The following KANSL1 variants were observed in gnomAD, a reference collection of about 807,000 sequenced individuals.
The protein encoded by KANSL1 is MLL1/MLL complex subunit KANSL1.
KANSL1 carries 22 observed loss-of-function variants against 103.6 expected under a neutral mutation model. The observed-to-expected ratio is 0.21, with a 90% CI of 0.15 to 0.30. KANSL1 has a LOEUF of 0.30. Among genes scored for constraint, KANSL1 ranks in the 10% least tolerant of loss-of-function variants. KANSL1 has a pLI of 1.00. For synonymous variants in KANSL1, 600 were observed against 527.6 expected (o/e 1.14, Z -1.88); for missense variants, 1,337 against 1,399.8 (o/e 0.96, Z 0.72).
chr17:46,052,434 G>A (rs62063676), intron 6 of KANSL1, among the ~76,000 whole-genome samples: 21,732 of 151,284 alleles, frequency 0.14, 2,118 homozygotes, highest in Middle Eastern at 0.22. Flanking sequence ...GTGAAACCCC[G>A]ACTCTACTGA....
chr17:46,172,051 AG>A lies in KANSL1; in HGVS notation c.92del (p.Pro31LeufsTer31). ...KLAPPSSTLSPGSAENNGNAN... is the reference protein window; with the variant it reads ...KLAPPSSTLSXGSAENNGNAN... Reference sequence around the variant, plus strand: ...CGTTGCCGTTATTTTCGGCACTGCCAGGGGACAAGGTAGAGGATGGGGGAGC... The same window carrying A: ...CGTTGCCGTTATTTTCGGCACTGCCAGGGACAAGGTAGAGGATGGGGGAGC... On this transcript the variant is annotated frameshift_variant, in exon 2 of 15. Transcript: ENST00000432791. LOFTEE classifies it high-confidence loss of function. 1 of 1,614,204 alleles carries A rather than the reference AG, an allele frequency of 6.2e-7. No individual in the cohort carries two copies. The highest frequency in any genetic ancestry group is 2.2e-5 in the East Asian group (1 of 44,880).
chr17:46,206,206 C>T (rs2047965366), intron 1 of KANSL1, among the ~76,000 whole-genome samples: 1 of 151,998 alleles, frequency 6.6e-6, no homozygotes, highest in Admixed American at 6.6e-5. Context: ...AATGTGATCC[C>T]AGCATACCCA....
chr17:46,056,263 T>C (rs2077926208), intron 6 of KANSL1, among the ~76,000 whole-genome samples: 1 of 152,048 alleles, frequency 6.6e-6, no homozygotes, highest in African/African-American at 2.4e-5. Context: ...CCTCCCAAAG[T>C]GCTAGAATAA....
chr17:46,071,749 C>A (rs910687339), intron 4 of KANSL1, among the ~76,000 whole-genome samples: 1 of 152,182 alleles, frequency 6.6e-6, no homozygotes, highest in Non-Finnish European at 1.5e-5. Context: ...TTAAGACTCT[C>A]CTACCTAGAA....
intron 2 of KANSL1, among the ~76,000 whole-genome samples, chr17:46,149,004 CTTTTTT>C (rs77731269): frequency 1.6e-5 from 2 of 121,290 alleles, no homozygotes; most frequent in Admixed American, 8.4e-5. Context: ...CTCTTTTTTT[CTTTTTT>C]TTTTTTTTTT....
intron 3 of KANSL1, among the ~76,000 whole-genome samples, chr17:46,087,430 C>T (rs1301146409): frequency 4.6e-5 from 7 of 152,100 alleles, no homozygotes; most frequent in Non-Finnish European, 1.0e-4. Flanking sequence ...TAAAAAGCAT[C>T]CAAGTAGGTA....
chr17:46,083,396 T>G (rs1024851542), intron 3 of KANSL1, among the ~76,000 whole-genome samples: 4 of 152,144 alleles, frequency 2.6e-5, no homozygotes, highest in Non-Finnish European at 5.9e-5. Flanking sequence ...GAGATCTAAC[T>G]AGATTAAGAA....
rs71138525 is a variant in KANSL1 at position 46,096,311 on chromosome 17, C to CTTTTTTTTTTT, written c.1290-1621_1290-1611dup. The stretch of plus-strand genomic sequence containing the variant: ...CATACTACATACCTGGCTTTTTTTT[C>CTTTTTTTTTTT]TTTTTTTTTTTTTTTTTTTTTGAGA... On this transcript the variant is annotated intron_variant, in intron 2 of 14. Coordinates refer to ENST00000432791, the MANE Select transcript of KANSL1 (RefSeq NM_015443.4). Among the ~76,000 whole-genome samples, 86 of 76,390 alleles carry CTTTTTTTTTTT rather than the reference C, an allele frequency of 1.1e-3. 5 individuals carry two copies. Among genetic ancestry groups the CTTTTTTTTTTT allele is most frequent in the African/African-American group, 3.5e-3 (63 of 17,846 alleles). 50.1% of individuals were successfully genotyped at this position (76,390 alleles called of 152,430 possible).
intron 4 of KANSL1, among the ~76,000 whole-genome samples, chr17:46,073,670 T>C (rs2078657988): frequency 6.6e-6 from 1 of 152,146 alleles, no homozygotes; most frequent in Non-Finnish European, 1.5e-5. Context: ...AAGGCTAGAA[T>C]TGAATACTGT....
intron 1 of KANSL1, among the ~76,000 whole-genome samples, chr17:46,211,951 A>G (rs975377653): frequency 8.5e-5 from 13 of 152,256 alleles, no homozygotes; most frequent in African/African-American, 3.1e-4. Context: ...ATCTTAACAG[A>G]TAACAATGTT....
At chr17:46,113,221 G>C (rs1367406747) in intron 2 of KANSL1, among the ~76,000 whole-genome samples, 2 of 152,212 alleles carry the variant, frequency 1.3e-5, no homozygotes, top group Non-Finnish European at 2.9e-5. Context: ...CTGACACTAA[G>C]AAACCTTGCT....
Position 46,109,815 on chromosome 17 carries a change from T to C in KANSL1, c.1290-15114A>G, listed in dbSNP as rs531245652. Among the ~76,000 whole-genome samples the C allele has an allele frequency of 4.6e-5, 7 of 152,374 alleles. No individual in the cohort carries two copies. In the East Asian group the frequency reaches 1.3e-3, roughly 29 times the overall value. On this transcript the variant is annotated intron_variant, in intron 2 of 14. Transcript: ENST00000432791. ...CTAACTCAGTTACCACAAGGTACTC[T>C]ATGCCCTTACATCTAATGACAAATA... is the stretch of plus-strand genomic sequence containing the variant.
At chr17:46,211,212 A>C (rs1431671160) in intron 1 of KANSL1, among the ~76,000 whole-genome samples, 1 of 144,502 alleles carries the variant, frequency 6.9e-6, no homozygotes, top group Non-Finnish European at 1.5e-5. Context: ...CCTAAAGACA[A>C]TGTGATGTTC....
rs1431474063 is a variant in KANSL1, at chr17:46,058,923, G to A, written c.1848+7614C>T. Among the ~76,000 whole-genome samples, 5 of 152,068 alleles carry A rather than the reference G, an allele frequency of 3.3e-5. No individual in the cohort carries two copies. In the East Asian group the frequency reaches 7.8e-4, roughly 24 times the overall value. On this transcript the variant is annotated intron_variant, in intron 6 of 14. Transcript: ENST00000432791. ...AAAAATTAGCTAGGCATGGTGGCAC[G>A]TGTCTGTAATCTCAGCTACTTGCTG...
chr17:46,128,815 G>C (rs189478648), intron 2 of KANSL1, among the ~76,000 whole-genome samples: 1 of 152,220 alleles, frequency 6.6e-6, no homozygotes, highest in Non-Finnish European at 1.5e-5. Flanking sequence ...TGCAGCTCAC[G>C]ATATGGAGTT....
intron 2 of KANSL1, among the ~76,000 whole-genome samples, chr17:46,130,187 C>CAAAAAAAAAAAAAAAAAA (rs35017603): frequency 0.013 from 988 of 75,062 alleles, 34 homozygotes; most frequent in Non-Finnish European, 0.021. Flanking sequence ...ATCCTGTCTC[C>CAAAAAAAAAAAAAAAAAA]AAAAAAAAAA....
chr17:46,033,255 C>T, intron 12 of KANSL1, 63 bp from the exon 13 acceptor site: 2 of 1,449,260 alleles, frequency 1.4e-6, no homozygotes, highest in East Asian at 4.8e-5. Flanking sequence ...AGTCCCACCC[C>T]ATTCTAGGTT....
intron 2 of KANSL1, among the ~76,000 whole-genome samples, chr17:46,095,910 G>A (rs1483038081): frequency 2.6e-5 from 4 of 152,230 alleles, no homozygotes; most frequent in South Asian, 2.1e-4. Flanking sequence ...GTGTCATCTC[G>A]TTAAAATTTG....
intron 2 of KANSL1, among the ~76,000 whole-genome samples, chr17:46,116,296 C>G (rs2043043675): frequency 6.6e-6 from 1 of 152,196 alleles, no homozygotes; most frequent in Non-Finnish European, 1.5e-5. Context: ...TTTGGGAGGC[C>G]AAGGCAGGCG....
Sources: gnomAD v4.1 joint callset for allele counts (sites outside exome capture counted in the v4.1 genomes callset) on GRCh38, gnomAD v4.1.1 for gene constraint, MANE v1.5 for transcripts, NCBI Gene and HGNC (gene_info 2026-07-23, HGNC 2026-07-21) for gene names.